CAT: variants seen among roughly 807,000 people sequenced by gnomAD.
CAT encodes epididymis secretory sperm binding protein.
A neutral mutation model predicts 59.0 loss-of-function variants in CAT; 43 were observed. That is an observed-to-expected ratio of 0.73 (90% CI 0.57 to 0.94). The LOEUF is 0.94. Among genes scored for constraint, CAT ranks in the 40% least tolerant of loss-of-function variants. The pLI, the probability that CAT is intolerant of heterozygous loss-of-function variation, is 0.00. For synonymous variants in CAT, 218 were observed against 230.9 expected (o/e 0.94, Z 0.51); for missense variants, 664 against 682.9 (o/e 0.97, Z 0.31).
Position 34,456,726 on chromosome 11 carries a change from C to G in CAT, c.965C>G (p.Pro322Arg). The change falls in exon 8 of 13, where the codon CCA becomes CGA. Residue 322 changes from proline (P) to arginine (R), a missense_variant. Pro to Arg is a moderately radical substitution (Grantham distance 103, BLOSUM62 -2). Transcript: ENST00000241052. ...PVGKLVLNRN[P>R]VNYFAEVEQI... ...GGTAAACTGGTCTTAAACCGGAATC[C>G]AGTTAATTACTTTGCTGAGGTTGAA... 1 of 1,614,078 alleles carries G rather than the reference C, an allele frequency of 6.2e-7. No homozygotes were observed. The highest frequency in any genetic ancestry group is 8.5e-7 in the Non-Finnish European group (1 of 1,179,946).
intron 11 of CAT, among the ~76,000 whole-genome samples, chr11:34,468,962 A>G (rs1247838580): frequency 3.9e-5 from 6 of 152,234 alleles, no homozygotes; most frequent in Non-Finnish European, 5.9e-5. Flanking sequence ...GCTTAATGTC[A>G]TAATACCTCG....
intron 1 of CAT, among the ~76,000 whole-genome samples, chr11:34,445,618 G>A (rs1020036464): frequency 3.9e-5 from 6 of 152,018 alleles, no homozygotes; most frequent in Non-Finnish European, 7.4e-5. Flanking sequence ...GTGGGGCAGG[G>A]TAGAGAGAGC....
At chr11:34,460,292 G>A (rs1856633809) in intron 8 of CAT, among the ~76,000 whole-genome samples, 1 of 152,058 alleles carries the variant, frequency 6.6e-6, no homozygotes, top group African/African-American at 2.4e-5. Context: ...TGATTAACAT[G>A]GAACATAATT....
At chr11:34,452,971 T>C (rs17268652) in intron 4 of CAT, 119 bp from the exon 5 acceptor site, 1 of 727,060 alleles carries the variant, frequency 1.4e-6, no homozygotes, top group African/African-American at 1.8e-5. Flanking sequence ...CAGTTTAAAA[T>C]TCTAGGATTG....
chr11:34,463,538 A>G (rs1341611626), intron 9 of CAT, among the ~76,000 whole-genome samples: 2 of 152,238 alleles, frequency 1.3e-5, no homozygotes, highest in South Asian at 2.1e-4. Flanking sequence ...CAAAAAACCC[A>G]GAGTTCCAAC....
intron 1 of CAT, 93 bp from the exon 2 acceptor site, chr11:34,449,099 G>C (rs1856490879): frequency 9.2e-7 from 1 of 1,086,958 alleles, no homozygotes; most frequent in Non-Finnish European, 1.4e-6. Context: ...AGGGCAGATG[G>C]TATAAACATT....
At chr11:34,442,711 AG>A (rs1279481459) in intron 1 of CAT, among the ~76,000 whole-genome samples, 1 of 152,242 alleles carries the variant, frequency 6.6e-6, no homozygotes, top group Non-Finnish European at 1.5e-5. Flanking sequence ...TGAGGGCACC[AG>A]GCTGAAGGAA....
At position 34,452,155 on chromosome 11, in the gene CAT, G is replaced by A; in HGVS notation, c.428G>A (p.Trp143Ter). 1.2e-6 allele frequency: 2 copies of A among 1,613,730 alleles called. No individual in the cohort carries two copies. The highest frequency in any genetic ancestry group is 2.2e-5 in the South Asian group (2 of 91,074). Residue 143 changes from tryptophan to a stop codon, truncating the protein, a stop_gained, in exon 4 of 13, where the codon TGG becomes TAG. Coordinates refer to ENST00000241052, the MANE Select transcript of CAT (RefSeq NM_001752.4). LOFTEE classifies it high-confidence loss of function. ...AAATTTTACACAGAAGATGGTAACT[G>A]GGATCTCGTTGGAAATAACACCCCC... is the stretch of plus-strand genomic sequence containing the variant. ...AVKFYTEDGNWDLVGNNTPIF... is the reference protein window; with the variant it reads ...AVKFYTEDGN
intron 1 of CAT, among the ~76,000 whole-genome samples, chr11:34,443,118 A>G (rs1856411748): frequency 6.6e-6 from 1 of 152,190 alleles, no homozygotes; most frequent in South Asian, 2.1e-4. Flanking sequence ...AAATGCTTTT[A>G]TCTAAGTGGG....
intron 11 of CAT, among the ~76,000 whole-genome samples, chr11:34,468,935 T>G (rs925011135): frequency 2.0e-5 from 3 of 152,186 alleles, no homozygotes; most frequent in Non-Finnish European, 2.9e-5. Context: ...TTTTTATGGT[T>G]TAAAACCTGC....
intron 8 of CAT, among the ~76,000 whole-genome samples, chr11:34,460,126 G>T (rs1856632295): frequency 6.6e-6 from 1 of 152,182 alleles, no homozygotes; most frequent in African/African-American, 2.4e-5. Flanking sequence ...CAAGGCCAAT[G>T]ATAAATTCAA....
chr11:34,467,783 T>A (rs1162050794), intron 10 of CAT, among the ~76,000 whole-genome samples: 1 of 152,230 alleles, frequency 6.6e-6, no homozygotes, highest in African/African-American at 2.4e-5. Context: ...ACTATTAATA[T>A]GTCTTGCTTA....
intron 9 of CAT, among the ~76,000 whole-genome samples, chr11:34,462,381 C>T (rs1299225943): frequency 6.6e-6 from 1 of 151,892 alleles, no homozygotes. Flanking sequence ...CCATATAGTC[C>T]CAACACCCAA....
At chr11:34,463,998 G>A (rs1590308320) in intron 9 of CAT, 107 bp from the exon 10 acceptor site, 3 of 1,034,150 alleles carry the variant, frequency 2.9e-6, no homozygotes, top group East Asian at 4.7e-5. Flanking sequence ...GTATGTGTAC[G>A]TGTGTATTTG....
At chr11:34,462,121 T>C (rs1287435301) in intron 9 of CAT, among the ~76,000 whole-genome samples, 3 of 152,196 alleles carry the variant, frequency 2.0e-5, no homozygotes, top group Non-Finnish European at 4.4e-5. Flanking sequence ...GAATGCTTGA[T>C]TAAAGTTTTT....
Position 34,439,085 on chromosome 11 carries a change from C to G in CAT, c.66+6C>G. 1 of 1,582,778 alleles carries G rather than the reference C, an allele frequency of 6.3e-7. No homozygotes were observed. The highest frequency in any genetic ancestry group is 1.1e-5 in the South Asian group (1 of 87,334). ...AGGAGCAGCGGGCCGCGCAGGTACA[C>G]TCTGTGCTCCCCGAGCGGGCCCGAA... On this transcript the variant is annotated splice_donor_region_variant and intron_variant, in intron 1 of 12. Coordinates refer to ENST00000241052, the MANE Select transcript of CAT (RefSeq NM_001752.4).
chr11:34,456,809 A>C lies in CAT; in HGVS notation c.1048A>C (p.Met350Leu), dbSNP rs1186832232. Residue 350 changes from methionine (M) to leucine (L), a missense_variant, in exon 8 of 13, where the codon ATG (methionine) becomes CTG (leucine). Coordinates refer to ENST00000241052, the MANE Select transcript of CAT (RefSeq NM_001752.4). ...PPGIEASPDKMLQGRLFAYPD... is the reference protein window; with the variant it reads ...PPGIEASPDKLLQGRLFAYPD... ...TGGCATTGAGGCCAGTCCTGACAAA[A>C]TGCTTCAGGTGAGCCTGGTGGATTG... is the stretch of plus-strand genomic sequence containing the variant. The C allele has an allele frequency of 6.2e-7, 1 of 1,614,222 alleles. No individual in the cohort carries two copies. Among genetic ancestry groups the C allele is most frequent in the Admixed American group, 1.7e-5 (1 of 60,034 alleles).
At chr11:34,459,867 A>G (rs1856629316) in intron 8 of CAT, among the ~76,000 whole-genome samples, 1 of 152,236 alleles carries the variant, frequency 6.6e-6, no homozygotes, top group African/African-American at 2.4e-5. Context: ...GGAGACAACC[A>G]GCTTCCAACC....
Position 34,449,322 on chromosome 11 carries a change from G to C in CAT, c.197G>C (p.Arg66Pro). The change falls in exon 2 of 13, where the codon CGA becomes CCA. Residue 66 changes from arginine to proline, a missense_variant. Coordinates refer to ENST00000241052, the MANE Select transcript of CAT (RefSeq NM_001752.4). ...ACTGATGAAATGGCTCATTTTGACC[G>C]AGAGAGAATTCCTGAGAGAGTTGTG... ...VFTDEMAHFD[R>P]ERIPERVVHA... 1 of 1,614,120 alleles carries C rather than the reference G, an allele frequency of 6.2e-7. No homozygotes were observed.
Sources: allele counts gnomAD v4.1 joint callset (sites outside exome capture counted in the v4.1 genomes callset), GRCh38; gene constraint gnomAD v4.1.1; transcripts MANE v1.5; gene names NCBI Gene and HGNC (gene_info 2026-07-23, HGNC 2026-07-21).